The following GTF3C3 variants were observed in gnomAD, a reference collection of about 807,000 sequenced individuals.
GTF3C3 encodes the protein general transcription factor 3C polypeptide 3.
A neutral mutation model predicts 105.2 loss-of-function variants in GTF3C3; 75 were observed. The ratio of observed to expected loss-of-function variants is 0.71; its 90% confidence interval spans 0.59 to 0.86. The LOEUF is 0.86. GTF3C3 is among the 40% of genes least tolerant of loss of function. The pLI is 0.00. For missense variants in GTF3C3, 856 were observed against 1,076.5 expected, an observed-to-expected ratio of 0.80 and a Z score of 2.87; for synonymous variants, 335 against 370.4, an observed-to-expected ratio of 0.90 and a Z score of 1.10.
rs1419960736 is a variant in GTF3C3, at chr2:196,789,324, G to C, written c.773C>G (p.Ser258Ter). ...PTNVRYLWER[S>*]SLYEQMGDHK... ...ATCACCCATCTGTTCATAAAGGCTT[G>C]ATCGCTCCCACAGATAACGGACATT... Residue 258 changes from serine (S) to a stop codon, truncating the protein, a stop_gained, in exon 6 of 18, where the codon TCA (serine) becomes TGA (stop). Transcript: ENST00000263956. LOFTEE classifies it high-confidence loss of function. 6 of 1,611,994 alleles carry C rather than the reference G, an allele frequency of 3.7e-6. No homozygotes were observed. Among genetic ancestry groups the C allele is most frequent in the Non-Finnish European group, 4.2e-6 (5 of 1,179,154 alleles).
intron 8 of GTF3C3, among the ~76,000 whole-genome samples, chr2:196,782,624 CA>C (rs201098851): frequency 0.05 from 6,482 of 129,856 alleles, 161 homozygotes; most frequent in South Asian, 0.11. Flanking sequence ...CAGGTGCAAA[CA>C]AAAAAAAAAA....
intron 15 of GTF3C3, among the ~76,000 whole-genome samples, chr2:196,771,175 C>CAGAAATTCCTTATTAT (rs1365615049): frequency 6.6e-6 from 1 of 152,062 alleles, no homozygotes; most frequent in Non-Finnish European, 1.5e-5. Context: ...TTCCTTATTA[C>CAGAAATTCCTTATTAT]AGAAATTCCT....
chr2:196,785,771 A>T (rs1312368431), intron 6 of GTF3C3, among the ~76,000 whole-genome samples, 183 bp from the exon 7 acceptor site: 2 of 152,176 alleles, frequency 1.3e-5, no homozygotes, highest in Non-Finnish European at 2.9e-5. Context: ...TCAGTAAAAC[A>T]GTGTCATAAT....
In GTF3C3 at chr2:196,789,913, G is replaced by A. The variant is rs1172685039; in HGVS notation, c.693C>T (p.Asp231=). The change falls in exon 5 of 18, where the codon GAC becomes GAT. Residue 231 remains aspartate, a synonymous_variant. Transcript: ENST00000263956. ...VRLAEMSLEQ[D]NIKQAIFCYT... The stretch of plus-strand genomic sequence containing the variant: ...AGCAAAAAATAGCCTGCTTAATATT[G>A]TCTTGTTCCAGAGACATTTCTGCCA... 1 of 1,604,130 alleles carries A rather than the reference G, an allele frequency of 6.2e-7. No homozygotes were observed. Among genetic ancestry groups the A allele is most frequent in the South Asian group, 1.1e-5 (1 of 89,308 alleles).
chr2:196,793,192 T>C (rs767127226), intron 2 of GTF3C3, 40 bp from the exon 3 acceptor site: 2 of 1,363,648 alleles, frequency 1.5e-6, no homozygotes, highest in Admixed American at 2.2e-5. Context: ...GTGGGGAAGC[T>C]GCAGAATTCT....
intron 14 of GTF3C3, 55 bp from the exon 15 acceptor site, chr2:196,771,993 T>C: frequency 2.4e-6 from 3 of 1,269,564 alleles, no homozygotes; most frequent in Non-Finnish European, 3.5e-6. Context: ...CTTCCTGATT[T>C]CTAAAAATGA....
At chr2:196,771,970 A>T in intron 14 of GTF3C3, 32 bp from the exon 15 acceptor site, 2 of 1,459,378 alleles carry the variant, frequency 1.4e-6, no homozygotes, top group Non-Finnish European at 1.9e-6. Flanking sequence ...GAGGGAGAAA[A>T]TAATGTAAAA....
Position 196,776,682 on chromosome 2 carries a change from GC to G in GTF3C3, c.1391-54del. The G allele has an allele frequency of 8.0e-7, 1 of 1,244,486 alleles. No individual in the cohort carries two copies. The highest frequency in any genetic ancestry group is 1.2e-6 in the Non-Finnish European group (1 of 861,430). 77.1% of individuals were successfully genotyped at this position (1,244,486 alleles called of 1,614,324 possible). Reference sequence around the variant, plus strand: ...GTATGAACTACAGATTTGTAAACTGGCCACAATTACTCTTCCATTTTAAAAG... The same window carrying G: ...GTATGAACTACAGATTTGTAAACTGGCACAATTACTCTTCCATTTTAAAAG... On this transcript the variant is annotated intron_variant, in intron 10 of 17. Coordinates refer to ENST00000263956, the MANE Select transcript of GTF3C3 (RefSeq NM_012086.5). This position sits in a 1 kb window ranked among gnomAD's most constrained non-coding sequence, Gnocchi z 4.5.
chr2:196,791,391 C>G lies in GTF3C3; in HGVS notation c.481G>C (p.Ala161Pro). ...ATCGCCTCTTCACGTTCTCCTCGAG[C>G]AAAACGAATGTTGGCTTCACCCATG... ...GLMGEANIRF[A>P]RGEREEAILM... The change falls in exon 4 of 18, where the codon GCT (alanine) becomes CCT (proline). Residue 161 changes from alanine to proline, a missense_variant. Around this residue, in one of 3 missense-constraint regions of GTF3C3, gnomAD observed 605 missense variants for 833.6 expected, o/e 0.73. Transcript: ENST00000263956. The G allele has an allele frequency of 6.2e-7, 1 of 1,614,024 alleles. No individual in the cohort carries two copies. Among genetic ancestry groups the G allele is most frequent in the Non-Finnish European group, 8.5e-7 (1 of 1,179,942 alleles).
chr2:196,791,204 G>T, intron 4 of GTF3C3, 133 bp downstream of exon 4: 1 of 672,164 alleles, frequency 1.5e-6, no homozygotes, highest in Non-Finnish European at 2.4e-6. Context: ...TGTGAAAAGT[G>T]GCAATTACCA....
At chr2:196,797,450 A>G (rs532241993) in intron 2 of GTF3C3, among the ~76,000 whole-genome samples, 27 of 152,198 alleles carry the variant, frequency 1.8e-4, no homozygotes, top group Non-Finnish European at 3.1e-4. Context: ...AAGCCACTTT[A>G]TATCGAAGTG....
chr2:196,798,873 A>C (rs1699696401), intron 1 of GTF3C3, among the ~76,000 whole-genome samples: 1 of 151,960 alleles, frequency 6.6e-6, no homozygotes, highest in South Asian at 2.1e-4. Flanking sequence ...AAAAAAAAAA[A>C]AAAAAAAAGA....
chr2:196,796,112 TGACTGC>T (rs760105630), intron 2 of GTF3C3, among the ~76,000 whole-genome samples: 147 of 152,346 alleles, frequency 9.6e-4, no homozygotes, highest in Non-Finnish European at 1.9e-3. Flanking sequence ...TTCAATTAGC[TGACTGC>T]CAAAGCTTGT....
At chr2:196,797,729 G>A in intron 2 of GTF3C3, 68 bp downstream of exon 2, 2 of 903,798 alleles carry the variant, frequency 2.2e-6, no homozygotes, top group Admixed American at 3.5e-5. Context: ...AAAATACAAT[G>A]TTTCACTAAA....
intron 9 of GTF3C3, 122 bp downstream of exon 9, chr2:196,780,437 G>A (rs1699327850): frequency 7.4e-7 from 1 of 1,342,906 alleles, no homozygotes. Context: ...GATGCTTATT[G>A]TTACCTCCTT....
chr2:196,781,357 A>AT lies in GTF3C3; in HGVS notation c.1115-696_1115-695insA, dbSNP rs1553578902. ...ATGTTAAGGGGAAAAAAAAAAAAAA[A>AT]ATATATATATATATATATATATATA... is the stretch of plus-strand genomic sequence containing the variant. On this transcript the variant is annotated intron_variant, in intron 8 of 17. Coordinates refer to ENST00000263956, the MANE Select transcript of GTF3C3 (RefSeq NM_012086.5). Among the ~76,000 whole-genome samples the AT allele has an allele frequency of 2.0e-3, 37 of 18,810 alleles. 1 individual carries two copies. Among genetic ancestry groups the AT allele is most frequent in the Non-Finnish European group, 2.1e-3 (14 of 6,734 alleles). 12.3% of individuals were successfully genotyped at this position (18,810 alleles called of 152,430 possible).
chr2:196,764,387 A>G lies in GTF3C3; in HGVS notation c.*176T>C. 2.0e-6 allele frequency: 1 copy of G among 509,614 alleles called. No homozygotes were observed. Among genetic ancestry groups the G allele is most frequent in the Admixed American group, 3.6e-5 (1 of 27,610 alleles). 31.6% of individuals were successfully genotyped at this position (509,614 alleles called of 1,614,324 possible). A position where few individuals can be genotyped will look rare whatever the true frequency, so the allele number is the denominator to read the frequency against. ...GACCAATATACAAATTTTTGTAGGA[A>G]TAATTTTGCATATATACCACAAGAT... On this transcript the variant is annotated 3_prime_UTR_variant, in exon 18 of 18. Transcript: ENST00000263956.
Position 196,787,338 on chromosome 2 carries a change from C to A in GTF3C3, c.894-1750G>T, listed in dbSNP as rs576718189. Among the ~76,000 whole-genome samples the A allele has an allele frequency of 9.9e-5, 15 of 152,266 alleles. No homozygotes were observed. In the South Asian group the frequency reaches 2.3e-3, roughly 23 times the overall value. ...TGATGCACTTAAAATTTAAGTCAGA[C>A]CATGTCACTTTTCTACTCAAAATCT... On this transcript the variant is annotated intron_variant, in intron 6 of 17. Transcript: ENST00000263956.
chr2:196,771,888 T>A lies in GTF3C3; in HGVS notation c.2120A>T (p.Asn707Ile). ...ATCTTGGGAGTGCATGGTAACTTGA[T>A]TGAAAATGTTCCAGAGCTGGGGTTT... The part of the protein sequence containing the change: ...VNKPQLWNIF[N>I]QVTMHSQDVR... The change falls in exon 15 of 18, where the codon AAT becomes ATT. Residue 707 changes from asparagine to isoleucine, a missense_variant. By Grantham distance (149) the Asn-to-Ile change is moderately radical. This residue lies in a region of GTF3C3 where 605 missense variants were observed against 833.6 expected (regional missense o/e 0.73). Coordinates refer to ENST00000263956, the MANE Select transcript of GTF3C3 (RefSeq NM_012086.5). 1 of 1,613,706 alleles carries A rather than the reference T, an allele frequency of 6.2e-7. No individual in the cohort carries two copies. Among genetic ancestry groups the A allele is most frequent in the Non-Finnish European group, 8.5e-7 (1 of 1,179,554 alleles).
Sources: gnomAD v4.1 joint callset for allele counts (sites outside exome capture counted in the v4.1 genomes callset) on GRCh38, gnomAD v4.1.1 for gene constraint, gnomAD v4.1.1 regional missense constraint, Gnocchi (gnomAD v3.1) non-coding constraint, MANE v1.5 for transcripts, NCBI Gene and HGNC (gene_info 2026-07-23, HGNC 2026-07-21) for gene names.